CARMIL1: variants seen among roughly 807,000 people sequenced by gnomAD.
CARMIL1 encodes the protein F-actin-uncapping protein LRRC16A.
CARMIL1 carries 90 observed loss-of-function variants against 177.1 expected under a neutral mutation model. That is an observed-to-expected ratio of 0.51 (90% CI 0.43 to 0.61). The LOEUF (loss-of-function observed/expected upper bound fraction) is 0.61. Among genes scored for constraint, CARMIL1 ranks in the 20% least tolerant of loss-of-function variants. The pLI is 0.00. For synonymous variants in CARMIL1, 577 were observed against 606.2 expected (o/e 0.95, Z 0.71); for missense variants, 1,380 against 1,667.0 (o/e 0.83, Z 3.00).
At chr6:25,475,879 A>G (rs9467523) in intron 11 of CARMIL1, among the ~76,000 whole-genome samples, 3,873 of 152,146 alleles carry the variant, frequency 0.025, 139 homozygotes, top group African/African-American at 0.08. Flanking sequence ...TCCTGTGCAA[A>G]CTTCCATAAT....
chr6:25,529,883 A>G (rs1400628554), intron 24 of CARMIL1, among the ~76,000 whole-genome samples: 1 of 152,198 alleles, frequency 6.6e-6, no homozygotes, highest in East Asian at 1.9e-4. Flanking sequence ...AAACTGATGG[A>G]CACAAACTAA....
rs200329560 is a variant in CARMIL1, at chr6:25,452,001, C to CA, written c.614+1290_614+1291insA. On this transcript the variant is annotated intron_variant, in intron 8 of 36. Transcript: ENST00000329474. ...CTAGCATCTTGCCCCCCCCTCCCCC[C>CA]CCCAGAATACTGTTTTGAATTATTT... The CA allele has an allele frequency of 4.7e-5, 11 of 232,368 alleles. 1 individual carries two copies. Among genetic ancestry groups the CA allele is most frequent in the Middle Eastern group, 1.2e-3 (1 of 844 alleles). The allele number at this position is 232,368 out of a possible 1,614,324, so 14.4% of individuals were successfully genotyped here.
At chr6:25,462,776 GTC>G (rs1223465156) in intron 8 of CARMIL1, among the ~76,000 whole-genome samples, 1 of 152,182 alleles carries the variant, frequency 6.6e-6, no homozygotes, top group Admixed American at 6.5e-5. Flanking sequence ...TATTCAGCAA[GTC>G]TCTCGTCTTT....
chr6:25,615,633 C>T (rs1816832011), intron 36 of CARMIL1, among the ~76,000 whole-genome samples: 1 of 152,194 alleles, frequency 6.6e-6, no homozygotes. Context: ...CTGTGACTTG[C>T]AGTCTGTAAG....
At chr6:25,594,835 A>C (rs1315903332) in intron 32 of CARMIL1, among the ~76,000 whole-genome samples, 1 of 152,198 alleles carries the variant, frequency 6.6e-6, no homozygotes, top group Non-Finnish European at 1.5e-5. Context: ...CTATTGTACG[A>C]ATCTAAACCA....
At chr6:25,394,704 A>G (rs1477969859) in intron 2 of CARMIL1, among the ~76,000 whole-genome samples, 2 of 152,220 alleles carry the variant, frequency 1.3e-5, no homozygotes, top group Non-Finnish European at 2.9e-5. Flanking sequence ...AAATAACCGT[A>G]CTGAAATTGT....
At chr6:25,601,568 T>C (rs1327917947) in intron 33 of CARMIL1, among the ~76,000 whole-genome samples, 1 of 152,248 alleles carries the variant, frequency 6.6e-6, no homozygotes, top group Non-Finnish European at 1.5e-5. Flanking sequence ...TATTCTCTTT[T>C]TAAACCTAAG....
intron 2 of CARMIL1, among the ~76,000 whole-genome samples, chr6:25,323,028 G>A (rs186669870): frequency 6.0e-4 from 91 of 152,178 alleles, no homozygotes; most frequent in Admixed American, 3.4e-3. Context: ...TTTTCCAGGC[G>A]CACCCTTTCC....
At chr6:25,498,369 A>T (rs369956151) in intron 16 of CARMIL1, among the ~76,000 whole-genome samples, 1 of 151,896 alleles carries the variant, frequency 6.6e-6, no homozygotes, top group African/African-American at 2.4e-5. Flanking sequence ...TTGCTATAGA[A>T]TTTTTCCCCA....
At chr6:25,590,847 CAT>C (rs1459416799) in intron 31 of CARMIL1, among the ~76,000 whole-genome samples, 7 of 152,094 alleles carry the variant, frequency 4.6e-5, no homozygotes, top group Admixed American at 1.3e-4. Flanking sequence ...TCCATTTTAA[CAT>C]ATTTTTAATG....
intron 2 of CARMIL1, among the ~76,000 whole-genome samples, chr6:25,418,719 T>C (rs1362536026): frequency 6.6e-6 from 1 of 152,188 alleles, no homozygotes; most frequent in African/African-American, 2.4e-5. Flanking sequence ...CATTTATTAA[T>C]GGCTTCCTAG....
chr6:25,509,966 TA>T lies in CARMIL1; in HGVS notation c.1477+233del, dbSNP rs1396842614. Among the ~76,000 whole-genome samples the T allele has an allele frequency of 5.9e-5, 9 of 152,206 alleles. No individual in the cohort carries two copies. Among genetic ancestry groups the T allele is most frequent in the Admixed American group, 5.2e-4 (8 of 15,280 alleles). ...GGCCAACTATGCAAAGTCTATGCAG[TA>T]AAACAACTCAGTTATAAAAATATCA... On this transcript the variant is annotated intron_variant, in intron 18 of 36. Coordinates refer to ENST00000329474, the MANE Select transcript of CARMIL1 (RefSeq NM_017640.6). The surrounding 1 kb of genome is among the most constrained non-coding windows in gnomAD (Gnocchi z 4.1).
chr6:25,423,583 G>A (rs1796044962), intron 3 of CARMIL1, among the ~76,000 whole-genome samples: 2 of 152,194 alleles, frequency 1.3e-5, no homozygotes, highest in South Asian at 4.1e-4. Context: ...AGACGGACAG[G>A]GCCAAGGCCT....
intron 2 of CARMIL1, among the ~76,000 whole-genome samples, chr6:25,392,559 T>C (rs1168358342): frequency 1.3e-5 from 2 of 152,222 alleles, no homozygotes; most frequent in African/African-American, 4.8e-5. Flanking sequence ...TGCAAACTGC[T>C]CAGCACCCTG....
chr6:25,420,564 GA>G (rs1795769037), intron 3 of CARMIL1, among the ~76,000 whole-genome samples: 1 of 24,942 alleles, frequency 4.0e-5, no homozygotes, highest in African/African-American at 1.6e-4. Flanking sequence ...TTCCTTCGGT[GA>G]TCCGAAGTAC....
chr6:25,549,556 A>G (rs1429978381), intron 26 of CARMIL1, among the ~76,000 whole-genome samples: 1 of 152,184 alleles, frequency 6.6e-6, no homozygotes, highest in African/African-American at 2.4e-5. Flanking sequence ...AAAATAGGAA[A>G]GGCTTTTGGA....
At chr6:25,517,750 A>G (rs1249023823) in intron 22 of CARMIL1, among the ~76,000 whole-genome samples, 12 of 150,774 alleles carry the variant, frequency 8.0e-5, no homozygotes, top group Admixed American at 7.3e-4. Context: ...CACAATCTAC[A>G]CTAGGTCTTG....
At chr6:25,439,362 G>A (rs1797523297) in intron 5 of CARMIL1, among the ~76,000 whole-genome samples, 1 of 152,182 alleles carries the variant, frequency 6.6e-6, no homozygotes, top group Non-Finnish European at 1.5e-5. Context: ...GCAAAGGTGA[G>A]TGCCATTGAG....
intron 17 of CARMIL1, among the ~76,000 whole-genome samples, chr6:25,507,945 AATCT>A (rs1358822572): frequency 5.3e-5 from 8 of 152,194 alleles, no homozygotes; most frequent in African/African-American, 2.4e-5. Flanking sequence ...TTAAACTTCC[AATCT>A]ATCATAAACC....
Sources: allele counts gnomAD v4.1 joint callset (sites outside exome capture counted in the v4.1 genomes callset), GRCh38; gene constraint gnomAD v4.1.1; non-coding constraint Gnocchi (gnomAD v3.1); transcripts MANE v1.5; gene names NCBI Gene and HGNC (gene_info 2026-07-23, HGNC 2026-07-21).